The following ZNF395 variants were observed in gnomAD, a reference collection of about 807,000 sequenced individuals.
The protein encoded by ZNF395 is HD gene regulatory region-binding protein 2.
In ZNF395, 20 loss-of-function variants were observed where a neutral mutation model predicts 57.7. That is an observed-to-expected ratio of 0.35 (90% CI 0.24 to 0.50). The LOEUF (loss-of-function observed/expected upper bound fraction) is 0.50, where lower values mean the gene tolerates loss of function less well. Ranked by LOEUF, ZNF395 falls within the 20% of genes least tolerant of loss-of-function variation. The pLI is 0.97. For synonymous variants in ZNF395, 295 were observed against 275.9 expected (o/e 1.07, Z -0.69); for missense variants, 606 against 671.2 (o/e 0.90, Z 1.07).
intron 1 of ZNF395, among the ~76,000 whole-genome samples, chr8:28,370,469 G>GA (rs1801964141): frequency 6.6e-6 from 1 of 152,214 alleles, no homozygotes; most frequent in African/African-American, 2.4e-5. Context: ...GTTTCGAGAC[G>GA]AAAGAGAGAT....
chr8:28,385,701 G>A (rs1047393636), intron 1 of ZNF395, among the ~76,000 whole-genome samples: 3 of 148,636 alleles, frequency 2.0e-5, no homozygotes, highest in African/African-American at 7.3e-5. Context: ...GGAGGGGCAG[G>A]CGGGCCGGTC....
chr8:28,360,833 C>T (rs913026832), intron 2 of ZNF395, 52 bp downstream of exon 2: 1 of 1,596,420 alleles, frequency 6.3e-7, no homozygotes, highest in Non-Finnish European at 8.5e-7. Flanking sequence ...CCCCAGCCCC[C>T]TACCCCAAGA....
chr8:28,380,475 G>T (rs984185003), intron 1 of ZNF395, among the ~76,000 whole-genome samples: 2 of 152,120 alleles, frequency 1.3e-5, no homozygotes, highest in African/African-American at 4.8e-5. Context: ...CCAACACTGG[G>T]AAAATGTTGA....
At chr8:28,357,099 G>A (rs1005953893) in intron 3 of ZNF395, among the ~76,000 whole-genome samples, 1 of 152,114 alleles carries the variant, frequency 6.6e-6, no homozygotes, top group Non-Finnish European at 1.5e-5. Flanking sequence ...TGACTTTGCT[G>A]CTGAACTCTG....
rs1463267742 is a variant in ZNF395, at chr8:28,381,268, C to T, written c.-59+5125G>A. On this transcript the variant is annotated intron_variant, in intron 1 of 9. Transcript: ENST00000344423. ...GCGTTAGCCAGGATGGTCTCGATCT[C>T]CTGACCTCGTGATCCGCCCGCCTCA... Among the ~76,000 whole-genome samples, 3 of 151,540 alleles carry T rather than the reference C, an allele frequency of 2.0e-5. No individual in the cohort carries two copies. In the East Asian group the frequency reaches 5.9e-4, roughly 30 times the overall value.
intron 1 of ZNF395, among the ~76,000 whole-genome samples, chr8:28,377,748 CTTTTT>C (rs71549661): frequency 7.0e-5 from 7 of 100,640 alleles, no homozygotes; most frequent in African/African-American, 2.4e-4. Context: ...GATGATCCCA[CTTTTT>C]TTTTTTTTTT....
chr8:28,367,038 A>G (rs1221524918), intron 1 of ZNF395, among the ~76,000 whole-genome samples: 2 of 151,650 alleles, frequency 1.3e-5, no homozygotes, highest in African/African-American at 4.9e-5. Flanking sequence ...CAAGCTTCAG[A>G]CACATGGCAC....
At chr8:28,381,052 TGTGTG>T (rs1802103494) in intron 1 of ZNF395, among the ~76,000 whole-genome samples, 1 of 145,332 alleles carries the variant, frequency 6.9e-6, no homozygotes, top group Admixed American at 6.8e-5. Context: ...TGTGTGTGTG[TGTGTG>T]TTTTGACGGA....
intron 1 of ZNF395, among the ~76,000 whole-genome samples, chr8:28,385,802 C>A (rs1182059347): frequency 6.8e-6 from 1 of 147,986 alleles, no homozygotes; most frequent in African/African-American, 2.4e-5. Flanking sequence ...GTAAACAAGG[C>A]GACGCGCGGG....
At chr8:28,361,219 C>A (rs1801845866) in intron 1 of ZNF395, 37 bp from the exon 2 acceptor site, 2 of 1,568,854 alleles carry the variant, frequency 1.3e-6, no homozygotes, top group African/African-American at 1.4e-5. Flanking sequence ...GGGAGCCCCA[C>A]ACAGCAGGAG....
intron 1 of ZNF395, among the ~76,000 whole-genome samples, chr8:28,363,824 T>G (rs1801878928): frequency 6.6e-6 from 1 of 152,164 alleles, no homozygotes; most frequent in South Asian, 2.1e-4. Flanking sequence ...TTTTTTAATT[T>G]AAAGACTGCT....
chr8:28,352,445 G>C lies in ZNF395; in HGVS notation c.920+128C>G. ...TGTCTTTCTCAGGGGGCCAGGAAGAGACACCAGGGGGTGTTCCCAGCAAGC... is the reference window on the plus strand; with the variant it reads ...TGTCTTTCTCAGGGGGCCAGGAAGACACACCAGGGGGTGTTCCCAGCAAGC... On this transcript the variant is annotated intron_variant, in intron 6 of 9. Coordinates refer to ENST00000344423, the MANE Select transcript of ZNF395 (RefSeq NM_018660.3). The surrounding 1 kb of genome is among the most constrained non-coding windows in gnomAD (Gnocchi z 4.0). The C allele has an allele frequency of 1.4e-6, 1 of 698,256 alleles. No individual in the cohort carries two copies. Among genetic ancestry groups the C allele is most frequent in the South Asian group, 1.8e-5 (1 of 55,622 alleles). The allele number at this position is 698,256 out of a possible 1,614,324, so 43.3% of individuals were successfully genotyped here.
chr8:28,350,159 G>A lies in ZNF395; in HGVS notation c.1234-3C>T, dbSNP rs758789996. 1 of 1,601,300 alleles carries A rather than the reference G, an allele frequency of 6.2e-7. No homozygotes were observed. The highest frequency in any genetic ancestry group is 8.5e-7 in the Non-Finnish European group (1 of 1,175,856). ...GGGATCTGGAAGGATGGCAGAGCCT[G>A]CGGAAGACGAGGGTGTCAGCCCGGA... On this transcript the variant is annotated splice_polypyrimidine_tract_variant and splice_region_variant and intron_variant, in intron 7 of 9. Coordinates refer to ENST00000344423, the MANE Select transcript of ZNF395 (RefSeq NM_018660.3).
chr8:28,382,491 C>T (rs1189519283), intron 1 of ZNF395, among the ~76,000 whole-genome samples: 1 of 152,150 alleles, frequency 6.6e-6, no homozygotes. Context: ...CCACTCTATA[C>T]CTCCCCACAT....
chr8:28,347,122 T>C lies in ZNF395; in HGVS notation c.*1597A>G, dbSNP rs999475713. ...AGTGTCCTGCATTAAAAAGCACGTG[T>C]CTATTTCCTACGTGAAGGGGCCAAG... On this transcript the variant is annotated 3_prime_UTR_variant, in exon 10 of 10. Transcript: ENST00000344423. The C allele has an allele frequency of 6.6e-6, 1 of 152,110 alleles. No individual in the cohort carries two copies. Among genetic ancestry groups the C allele is most frequent in the Admixed American group, 6.6e-5 (1 of 15,266 alleles). The allele number at this position is 152,110 out of a possible 1,614,324, so 9.4% of individuals were successfully genotyped here. A position where few individuals can be genotyped will look rare whatever the true frequency, so the allele number is the denominator to read the frequency against.
At chr8:28,378,351 G>A (rs943332368) in intron 1 of ZNF395, among the ~76,000 whole-genome samples, 3 of 152,134 alleles carry the variant, frequency 2.0e-5, no homozygotes, top group South Asian at 2.1e-4. Context: ...GTGAGCCTCC[G>A]ACATCAGCCT....
At chr8:28,375,051 C>T (rs955649488) in intron 1 of ZNF395, among the ~76,000 whole-genome samples, 2 of 152,104 alleles carry the variant, frequency 1.3e-5, no homozygotes, top group African/African-American at 4.8e-5. Context: ...AGACACGCAC[C>T]CCCTGCCTCC....
In ZNF395 at chr8:28,359,772, C is replaced by G. The variant is rs775800779; in HGVS notation, c.293G>C (p.Ser98Thr). 2.5e-6 allele frequency: 4 copies of G among 1,614,020 alleles called. No homozygotes were observed. The highest frequency in any genetic ancestry group is 1.1e-5 in the South Asian group (1 of 91,088). ...QECTGLVEQH[S>T]WMEGQVTVWL... ...GACGGTCACCTGACCCTCCATCCAGCTGTGCTGCTCCACCAGTCCTGTGCA... is the reference window on the plus strand; with the variant it reads ...GACGGTCACCTGACCCTCCATCCAGGTGTGCTGCTCCACCAGTCCTGTGCA... Residue 98 changes from serine to threonine, a missense_variant, in exon 3 of 10, where the codon AGC becomes ACC. By Grantham distance (58) the Ser-to-Thr change is moderately conservative (BLOSUM62 1). Transcript: ENST00000344423. This position sits in a 1 kb window ranked among gnomAD's most constrained non-coding sequence, Gnocchi z 4.7.
rs1042084999 is a variant in ZNF395, at chr8:28,345,709, G to A, written c.*3010C>T. Reference sequence around the variant, plus strand: ...TAAAAATAATACTTGGAAGACAGCTGAGGAAAAAGGCGCCAATAAGACAAA... The same window carrying A: ...TAAAAATAATACTTGGAAGACAGCTAAGGAAAAAGGCGCCAATAAGACAAA... On this transcript the variant is annotated 3_prime_UTR_variant, in exon 10 of 10. Coordinates refer to ENST00000344423, the MANE Select transcript of ZNF395 (RefSeq NM_018660.3). The A allele has an allele frequency of 2.0e-5, 3 of 150,058 alleles. No individual in the cohort carries two copies. The highest frequency in any genetic ancestry group is 7.4e-5 in the African/African-American group (3 of 40,772). The allele number at this position is 150,058 out of a possible 1,614,324, so 9.3% of individuals were successfully genotyped here.
Sources: gnomAD v4.1 joint callset for allele counts (sites outside exome capture counted in the v4.1 genomes callset) on GRCh38, gnomAD v4.1.1 for gene constraint, Gnocchi (gnomAD v3.1) non-coding constraint, MANE v1.5 for transcripts, NCBI Gene and HGNC (gene_info 2026-07-23, HGNC 2026-07-21) for gene names.